Variants in LMTK2 observed in about 807,000 individuals in gnomAD.
LMTK2 encodes lemur tail kinase 2.
In LMTK2, 37 loss-of-function variants were observed where a neutral mutation model predicts 127.5. The ratio of observed to expected loss-of-function variants is 0.29; its 90% CI spans 0.22 to 0.38. LMTK2 has a LOEUF of 0.38. Among genes scored for constraint, LMTK2 ranks in the 10% least tolerant of loss-of-function variants. The pLI is 1.00. For synonymous variants in LMTK2, 819 were observed against 810.1 expected (o/e 1.01, Z -0.19); for missense variants, 1,694 against 1,920.3 (o/e 0.88, Z 2.20).
Position 98,192,040 on chromosome 7 carries a change from C to A in LMTK2, c.1575C>A (p.Ser525Arg). The A allele has an allele frequency of 6.2e-7, 1 of 1,603,370 alleles. No individual in the cohort carries two copies. Among genetic ancestry groups the A allele is most frequent in the Non-Finnish European group, 8.5e-7 (1 of 1,172,540 alleles). ...CTGGGCCCGGAAAGCAAGATGACAG[C>A]GGCCAGGATGTCCCCCTGAGGGTCC... is the stretch of plus-strand genomic sequence containing the variant. Reference protein sequence around the residue: ...SDPGPGKQDDSGQDVPLRVPG... With the variant: ...SDPGPGKQDDRGQDVPLRVPG... The change falls in exon 11 of 14, where the codon AGC becomes AGA. Residue 525 changes from serine to arginine, a missense_variant. This residue lies in a region of LMTK2 where 216 missense variants were observed against 266.8 expected (regional missense o/e 0.81). Coordinates refer to ENST00000297293, the MANE Select transcript of LMTK2 (RefSeq NM_014916.4).
chr7:98,151,274 T>C, intron 3 of LMTK2, 108 bp from the exon 4 acceptor site: 1 of 678,286 alleles, frequency 1.5e-6, no homozygotes, highest in Non-Finnish European at 2.4e-6. Flanking sequence ...TATGTATTTA[T>C]TCCTACCTTT....
intron 6 of LMTK2, among the ~76,000 whole-genome samples, chr7:98,167,298 G>A (rs1172993048): frequency 6.6e-6 from 1 of 152,204 alleles, no homozygotes; most frequent in Non-Finnish European, 1.5e-5. Flanking sequence ...ACTAGACGGA[G>A]TCCTAGCCAT....
At chr7:98,190,333 G>A (rs1476899373) in intron 9 of LMTK2, among the ~76,000 whole-genome samples, 2 of 152,236 alleles carry the variant, frequency 1.3e-5, no homozygotes. Flanking sequence ...TGTAATCTCA[G>A]CACTTTGGAA....
rs201786650 is a variant in LMTK2, at chr7:98,156,478, G to A, written c.569+1602G>A. Among the ~76,000 whole-genome samples the A allele has an allele frequency of 8.8e-4, 133 of 151,060 alleles. 2 individuals are homozygous for A. In the East Asian group the frequency reaches 0.025, roughly 28 times the overall value. On this transcript the variant is annotated intron_variant, in intron 5 of 13. Coordinates refer to ENST00000297293, the MANE Select transcript of LMTK2 (RefSeq NM_014916.4). ...AGACTCCGTCTCCAAAAAAAAAAAA[G>A]CTGTAATGAAAAAATAGTGACAATA...
At chr7:98,169,415 G>T (rs972058299) in intron 6 of LMTK2, among the ~76,000 whole-genome samples, 1 of 152,340 alleles carries the variant, frequency 6.6e-6, no homozygotes, top group African/African-American at 2.4e-5. Flanking sequence ...AAGCAGCCAC[G>T]CCCGCTCTGC....
Position 98,171,585 on chromosome 7 carries a change from G to A in LMTK2, c.702G>A (p.Arg234=), listed in dbSNP as rs758973633. The A allele has an allele frequency of 6.2e-6, 10 of 1,613,538 alleles. No homozygotes were observed. The highest frequency in any genetic ancestry group is 8.5e-6 in the Non-Finnish European group (10 of 1,179,970). ...AYLRSEQEHM[R]GDSQTMLLQR... is the part of the protein sequence containing the mutation. ...TGCGCAGCGAGCAGGAGCACATGCG[G>A]GGGGACTCACAGACCATGCTGCTGC... Residue 234 remains arginine (R), a synonymous_variant, in exon 7 of 14, where the codon CGG becomes CGA. Transcript: ENST00000297293. The surrounding 1 kb of genome is among the most constrained non-coding windows in gnomAD (Gnocchi z 5.1).
rs1293113256 is a variant in LMTK2 at position 98,192,856 on chromosome 7, G to A, written c.2391G>A (p.Met797Ile). ...VSTKGDDTDV[M>I]LTGDTLSTSL... ...CAAAGGGTGACGATACAGATGTCAT[G>A]CTCACAGGTGACACTTTGAGCACCT... The change falls in exon 11 of 14, where the codon ATG becomes ATA. Residue 797 changes from methionine (M) to isoleucine (I), a missense_variant. By Grantham distance (10) the Met-to-Ile change is conservative. This residue lies in a region of LMTK2 where 527 missense variants were observed against 539.8 expected (regional missense o/e 0.98). Coordinates refer to ENST00000297293, the MANE Select transcript of LMTK2 (RefSeq NM_014916.4). The A allele has an allele frequency of 2.3e-5, 37 of 1,613,962 alleles. No homozygotes were observed. Among genetic ancestry groups the A allele is most frequent in the Non-Finnish European group, 3.0e-5 (35 of 1,179,980 alleles).
intron 1 of LMTK2, among the ~76,000 whole-genome samples, chr7:98,121,628 T>G (rs1796362336): frequency 6.7e-6 from 1 of 148,338 alleles, no homozygotes; most frequent in Admixed American, 6.8e-5. Context: ...CCAGACTCCA[T>G]CTCAAAAAAA....
intron 7 of LMTK2, among the ~76,000 whole-genome samples, chr7:98,179,692 A>G (rs1051652653): frequency 2.1e-5 from 3 of 144,808 alleles, no homozygotes; most frequent in African/African-American, 5.2e-5. Context: ...TTCTTCTTAC[A>G]ATTAGAAGAT....
At chr7:98,115,338 C>T (rs779437531) in intron 1 of LMTK2, among the ~76,000 whole-genome samples, 1 of 151,656 alleles carries the variant, frequency 6.6e-6, no homozygotes, top group Non-Finnish European at 1.5e-5. Context: ...GTCGCTTGAA[C>T]CCAGGAGGCA....
intron 1 of LMTK2, among the ~76,000 whole-genome samples, chr7:98,124,013 T>G (rs912389407): frequency 6.6e-6 from 1 of 152,194 alleles, no homozygotes; most frequent in Non-Finnish European, 1.5e-5. Flanking sequence ...AGTTGTTGTT[T>G]TTTATTATTT....
At chr7:98,150,235 G>T (rs980325537) in intron 3 of LMTK2, among the ~76,000 whole-genome samples, 6 of 151,258 alleles carry the variant, frequency 4.0e-5, no homozygotes, top group Non-Finnish European at 8.8e-5. Flanking sequence ...TTGAACCCGG[G>T]AGGCGTAGGT....
intron 3 of LMTK2, among the ~76,000 whole-genome samples, chr7:98,145,624 A>T (rs1002042502): frequency 6.6e-6 from 1 of 152,036 alleles, no homozygotes; most frequent in East Asian, 1.9e-4. Flanking sequence ...CTCTGCCTCC[A>T]TATGTGTATA....
At chr7:98,190,910 C>T (rs768653045) in intron 10 of LMTK2, 33 bp downstream of exon 10, 25 of 1,604,642 alleles carry the variant, frequency 1.6e-5, no homozygotes, top group East Asian at 4.5e-5. Flanking sequence ...TGTTCTGTTT[C>T]GTCTTCACTG....
At chr7:98,135,520 T>G (rs1033538077) in intron 1 of LMTK2, among the ~76,000 whole-genome samples, 1 of 151,972 alleles carries the variant, frequency 6.6e-6, no homozygotes, top group Non-Finnish European at 1.5e-5. Flanking sequence ...TGGAGTCTCA[T>G]TTTGTTGCCC....
In LMTK2 at chr7:98,208,171, A is replaced by T. The variant is rs1797838149; in HGVS notation, c.*2679A>T. ...TTTTTATTTATTTTGAGTCACTCAT[A>T]ATTAATTGCCAAAAAAGCATTTTAT... On this transcript the variant is annotated 3_prime_UTR_variant, in exon 14 of 14. Coordinates refer to ENST00000297293, the MANE Select transcript of LMTK2 (RefSeq NM_014916.4). 6.6e-6 allele frequency: 1 copy of T among 152,056 alleles called. No individual in the cohort carries two copies. The highest frequency in any genetic ancestry group is 2.4e-5 in the African/African-American group (1 of 41,404). The allele number at this position is 152,056 out of a possible 1,614,324, so 9.4% of individuals were successfully genotyped here.
Position 98,171,717 on chromosome 7 carries a change from C to T in LMTK2, c.791+43C>T, listed in dbSNP as rs753491972. ...CGGTGCACGCCCCACACAGCACCGG[C>T]GGGACAGTCCAGAGAGGCTGCCGAG... is the stretch of plus-strand genomic sequence containing the variant. On this transcript the variant is annotated intron_variant, in intron 7 of 13. Coordinates refer to ENST00000297293, the MANE Select transcript of LMTK2 (RefSeq NM_014916.4). This position sits in a 1 kb window ranked among gnomAD's most constrained non-coding sequence, Gnocchi z 5.1. 24 of 1,514,228 alleles carry T rather than the reference C, an allele frequency of 1.6e-5. No individual in the cohort carries two copies. The highest frequency in any genetic ancestry group is 9.7e-5 in the African/African-American group (7 of 71,890). The allele number at this position is 1,514,228 out of a possible 1,614,324, so 93.8% of individuals were successfully genotyped here.
chr7:98,166,909 ACT>A (rs1797109873), intron 6 of LMTK2, among the ~76,000 whole-genome samples: 2 of 152,324 alleles, frequency 1.3e-5, no homozygotes, highest in South Asian at 2.1e-4. Flanking sequence ...AATAATTTAG[ACT>A]CTCTGTTCTC....
chr7:98,183,247 T>C (rs1363400834), intron 7 of LMTK2, among the ~76,000 whole-genome samples: 1 of 152,214 alleles, frequency 6.6e-6, no homozygotes, highest in African/African-American at 2.4e-5. Flanking sequence ...GAGTCTTTCA[T>C]CATTTTAAGT....
Sources: allele counts gnomAD v4.1 joint callset (sites outside exome capture counted in the v4.1 genomes callset), GRCh38; gene constraint gnomAD v4.1.1; regional missense constraint gnomAD v4.1.1; non-coding constraint Gnocchi (gnomAD v3.1); transcripts MANE v1.5; gene names NCBI Gene and HGNC (gene_info 2026-07-23, HGNC 2026-07-21).